NCKAP1: variants seen among roughly 807,000 people sequenced by gnomAD.
NCKAP1 encodes NCK associated protein 1.
A neutral mutation model predicts 151.2 loss-of-function variants in NCKAP1; 21 were observed. The ratio of observed to expected loss-of-function variants is 0.14; its 90% CI spans 0.10 to 0.20. NCKAP1 has a LOEUF of 0.20. Ranked by LOEUF, NCKAP1 falls within the 10% of genes least tolerant of loss-of-function variation. The pLI, the probability that NCKAP1 is intolerant of heterozygous loss-of-function variation, is 1.00. For missense variants in NCKAP1, 933 were observed against 1,352.1 expected, an observed-to-expected ratio of 0.69 and a Z score of 4.86; for synonymous variants, 484 against 451.8, an observed-to-expected ratio of 1.07 and a Z score of -0.90.
chr2:182,949,301 T>C (rs1368923963), intron 23 of NCKAP1, among the ~76,000 whole-genome samples: 1 of 152,206 alleles, frequency 6.6e-6, no homozygotes. Flanking sequence ...CAGTGTAGCA[T>C]GGTACTAGCA....
intron 23 of NCKAP1, among the ~76,000 whole-genome samples, chr2:182,950,349 T>C (rs1282268531): frequency 6.6e-6 from 1 of 152,184 alleles, no homozygotes; most frequent in Admixed American, 6.5e-5. Flanking sequence ...TTATTCAGTC[T>C]GAAATAAAAA....
At chr2:183,017,631 G>A (rs1430247429) in intron 2 of NCKAP1, among the ~76,000 whole-genome samples, 2 of 152,092 alleles carry the variant, frequency 1.3e-5, no homozygotes, top group Admixed American at 6.5e-5. Context: ...AACAGGCCAC[G>A]GACTGGTACC....
chr2:183,032,116 C>T (rs1699015378), intron 1 of NCKAP1, among the ~76,000 whole-genome samples: 1 of 152,094 alleles, frequency 6.6e-6, no homozygotes, highest in African/African-American at 2.4e-5. Context: ...TTTGGAAAAA[C>T]CTTCCAAGAG....
At chr2:183,027,347 A>C (rs896422467) in intron 1 of NCKAP1, among the ~76,000 whole-genome samples, 8 of 152,360 alleles carry the variant, frequency 5.3e-5, no homozygotes, top group Non-Finnish European at 1.0e-4. Context: ...CCAATTAAAA[A>C]TAAGAGGTTA....
At chr2:182,939,429 T>C (rs1030213222) in intron 24 of NCKAP1, among the ~76,000 whole-genome samples, 1 of 152,092 alleles carries the variant, frequency 6.6e-6, no homozygotes, top group Non-Finnish European at 1.5e-5. Context: ...CTTGGGAGGC[T>C]GATGCAGGAG....
chr2:182,920,999 G>C lies in NCKAP1; in HGVS notation c.*4703C>G, dbSNP rs952057163. On this transcript the variant is annotated 3_prime_UTR_variant, in exon 31 of 31. Transcript: ENST00000361354. ...AGTAGTGCACAGTTTTAGTCTGTGA[G>C]CACGCTTCAGTGAAATTATATCACC... 1 of 152,150 alleles carries C rather than the reference G, an allele frequency of 6.6e-6. No homozygotes were observed. Among genetic ancestry groups the C allele is most frequent in the African/African-American group, 2.4e-5 (1 of 41,420 alleles). 9.4% of individuals were successfully genotyped at this position (152,150 alleles called of 1,614,324 possible). A position where few individuals can be genotyped will look rare whatever the true frequency, so the allele number is the denominator to read the frequency against.
intron 30 of NCKAP1, 134 bp from the exon 31 acceptor site, chr2:182,925,952 T>C (rs1696635450): frequency 7.0e-6 from 3 of 427,582 alleles, no homozygotes; most frequent in Non-Finnish European, 1.3e-5. Flanking sequence ...TTATTAGCAA[T>C]AGACACATAT....
In NCKAP1 at chr2:182,989,180, A is replaced by C. The variant is rs764465282; in HGVS notation, c.797T>G (p.Phe266Cys). ...ATTTAGGATCCCATGGCACAAAATAAAGCCAACTTTAAATAAAAAGAAAGC... is the reference window on the plus strand; with the variant it reads ...ATTTAGGATCCCATGGCACAAAATACAGCCAACTTTAAATAAAAAGAAAGC... ...DAMEKWIIFG[F>C]ILCHGILNTD... Residue 266 changes from phenylalanine to cysteine, a missense_variant, in exon 9 of 31, where the codon TTT becomes TGT. This residue lies in a region of NCKAP1 where 607 missense variants were observed against 795.0 expected (regional missense o/e 0.76). Coordinates refer to ENST00000361354, the MANE Select transcript of NCKAP1 (RefSeq NM_013436.5). 3 of 1,584,104 alleles carry C rather than the reference A, an allele frequency of 1.9e-6. No individual in the cohort carries two copies. Among genetic ancestry groups the C allele is most frequent in the Non-Finnish European group, 2.6e-6 (3 of 1,170,726 alleles).
At chr2:183,012,794 T>TC (rs1433674822) in intron 2 of NCKAP1, among the ~76,000 whole-genome samples, 2 of 150,916 alleles carry the variant, frequency 1.3e-5, no homozygotes, top group African/African-American at 4.9e-5. Flanking sequence ...TTTTTTTTTT[T>TC]TGTATTCTTT....
intron 23 of NCKAP1, among the ~76,000 whole-genome samples, chr2:182,943,897 G>A (rs753156742): frequency 2.7e-4 from 41 of 152,166 alleles, no homozygotes; most frequent in Non-Finnish European, 6.0e-4. Context: ...TTGAATTCGG[G>A]TATGTCTCAC....
chr2:182,959,636 G>A (rs1697399902), intron 18 of NCKAP1, among the ~76,000 whole-genome samples: 1 of 152,124 alleles, frequency 6.6e-6, no homozygotes, highest in Admixed American at 6.6e-5. Context: ...ATATTATACT[G>A]AATGGGCAAA....
At position 182,919,523 on chromosome 2, in the gene NCKAP1, C is replaced by T. The variant is rs1696517362; in HGVS notation, c.*6179G>A. The T allele has an allele frequency of 6.6e-6, 1 of 152,082 alleles. No individual in the cohort carries two copies. Among genetic ancestry groups the T allele is most frequent in the African/African-American group, 2.4e-5 (1 of 41,404 alleles). 9.4% of individuals were successfully genotyped at this position (152,082 alleles called of 1,614,324 possible). A position where few individuals can be genotyped will look rare whatever the true frequency, so the allele number is the denominator to read the frequency against. ...CATTCTGATTATTAACTGGATATTT[C>T]CTCTCAAATAAAGATAAACATTCTA... On this transcript the variant is annotated 3_prime_UTR_variant, in exon 31 of 31. Transcript: ENST00000361354.
intron 20 of NCKAP1, among the ~76,000 whole-genome samples, chr2:182,954,612 C>T (rs895255332): frequency 2.0e-5 from 3 of 152,060 alleles, no homozygotes; most frequent in East Asian, 3.9e-4. Flanking sequence ...ATGGCGAAAC[C>T]CCGTCTCTAC....
chr2:183,026,176 T>A (rs553838805), intron 1 of NCKAP1, among the ~76,000 whole-genome samples: 203 of 152,340 alleles, frequency 1.3e-3, no homozygotes, highest in Admixed American at 3.1e-3. Context: ...GTCCAGTGGC[T>A]CACGCCTGTA....
At chr2:182,939,287 TAGGAG>T (rs1696945833) in intron 24 of NCKAP1, among the ~76,000 whole-genome samples, 1 of 152,064 alleles carries the variant, frequency 6.6e-6, no homozygotes, top group African/African-American at 2.4e-5. Context: ...CCCAACACTC[TAGGAG>T]GTCGAGGAGG....
intron 24 of NCKAP1, among the ~76,000 whole-genome samples, chr2:182,936,622 C>A (rs1696881581): frequency 6.6e-6 from 1 of 152,018 alleles, no homozygotes; most frequent in African/African-American, 2.4e-5. Flanking sequence ...AACTTTCTAC[C>A]TTCTGTGTAG....
Position 182,976,881 on chromosome 2 carries a change from G to A in NCKAP1, c.1482+12C>T, listed in dbSNP as rs1328303059. The A allele has an allele frequency of 6.8e-7, 1 of 1,467,110 alleles. No homozygotes were observed. Among genetic ancestry groups the A allele is most frequent in the African/African-American group, 1.5e-5 (1 of 68,544 alleles). The allele number at this position is 1,467,110 out of a possible 1,614,324, so 90.9% of individuals were successfully genotyped here. ...ATAACAAAACAGAATGACAATAAAAGGTTATTCTTACCTGTAACCTAAACC... is the reference window on the plus strand; with the variant it reads ...ATAACAAAACAGAATGACAATAAAAAGTTATTCTTACCTGTAACCTAAACC... On this transcript the variant is annotated intron_variant, in intron 15 of 30. Transcript: ENST00000361354.
rs148451124 is a variant in NCKAP1 at position 182,962,164 on chromosome 2, C to A, written c.1876G>T (p.Asp626Tyr). ...DICTEQCTLSDQLLPKHCAKT... is the reference protein window; with the variant it reads ...DICTEQCTLSYQLLPKHCAKT... ...GGAAACACTTAAATCATTACCTGGTCACTAAGGGTACACTGTTCTGTGCAA... is the reference window on the plus strand; with the variant it reads ...GGAAACACTTAAATCATTACCTGGTAACTAAGGGTACACTGTTCTGTGCAA... Residue 626 changes from aspartate to tyrosine, a missense_variant, in exon 18 of 31, where the codon GAC (aspartate) becomes TAC (tyrosine). Asp to Tyr is a radical substitution (Grantham distance 160, BLOSUM62 -3). Around this residue, in one of 2 missense-constraint regions of NCKAP1, gnomAD observed 607 missense variants for 795.0 expected, o/e 0.76. Coordinates refer to ENST00000361354, the MANE Select transcript of NCKAP1 (RefSeq NM_013436.5). The A allele has an allele frequency of 5.5e-5, 88 of 1,595,870 alleles. No homozygotes were observed. The highest frequency in any genetic ancestry group is 7.3e-5 in the Non-Finnish European group (86 of 1,171,458).
At chr2:182,929,572 G>T (rs1009261323) in intron 27 of NCKAP1, among the ~76,000 whole-genome samples, 12 of 151,748 alleles carry the variant, frequency 7.9e-5, no homozygotes, top group Admixed American at 6.6e-4. Context: ...CAAATTGTGG[G>T]TTATTTAGGC....
Sources: allele counts gnomAD v4.1 joint callset (sites outside exome capture counted in the v4.1 genomes callset), GRCh38; gene constraint gnomAD v4.1.1; regional missense constraint gnomAD v4.1.1; transcripts MANE v1.5; gene names NCBI Gene and HGNC (gene_info 2026-07-23, HGNC 2026-07-21).